The following ODAD2 variants were observed in gnomAD, a reference collection of about 807,000 sequenced individuals.
ODAD2 encodes outer dynein arm-docking complex subunit 2.
A neutral mutation model predicts 106.8 loss-of-function variants in ODAD2; 89 were observed. The observed-to-expected ratio is 0.83, with a 90% CI of 0.70 to 0.99. ODAD2 has a LOEUF of 0.99. Among genes scored for constraint, ODAD2 ranks in the 50% least tolerant of loss-of-function variants. The pLI is 0.00. For missense variants in ODAD2, 1,168 were observed against 1,238.5 expected, an observed-to-expected ratio of 0.94 and a Z score of 0.85; for synonymous variants, 404 against 436.2, an observed-to-expected ratio of 0.93 and a Z score of 0.92.
intron 19 of ODAD2, among the ~76,000 whole-genome samples, chr10:27,857,027 G>A (rs1469905979): frequency 1.3e-5 from 2 of 152,082 alleles, no homozygotes; most frequent in Non-Finnish European, 2.9e-5. Context: ...TTGATTATAT[G>A]TTGAAATAAC....
chr10:27,861,789 A>G (rs1350192556), intron 18 of ODAD2, among the ~76,000 whole-genome samples: 2 of 152,184 alleles, frequency 1.3e-5, no homozygotes, highest in Admixed American at 1.3e-4. Flanking sequence ...TGCTCTCTTG[A>G]TTCAGGCAAC....
chr10:27,872,054 CT>C (rs1466203103), intron 17 of ODAD2, among the ~76,000 whole-genome samples: 2 of 152,142 alleles, frequency 1.3e-5, no homozygotes, highest in Non-Finnish European at 2.9e-5. Context: ...TGCAGTTCTC[CT>C]TGAAGAGTAC....
chr10:27,931,041 A>G (rs1410278573), intron 16 of ODAD2, among the ~76,000 whole-genome samples: 1 of 152,174 alleles, frequency 6.6e-6, no homozygotes, highest in Non-Finnish European at 1.5e-5. Flanking sequence ...GATGCCTCAT[A>G]ATGCAAAACT....
At chr10:27,987,879 AT>A (rs879944104) in intron 2 of ODAD2, among the ~76,000 whole-genome samples, 10 of 151,782 alleles carry the variant, frequency 6.6e-5, no homozygotes, top group South Asian at 4.2e-4. Context: ...CTTTTTAAAA[AT>A]CATTGGTTCT....
chr10:27,964,327 G>A (rs931014718), intron 9 of ODAD2, among the ~76,000 whole-genome samples: 2 of 152,196 alleles, frequency 1.3e-5, no homozygotes, highest in Non-Finnish European at 2.9e-5. Flanking sequence ...TAGATGAGCT[G>A]GGGTAGTCTT....
chr10:27,989,152 T>A (rs1233011708), intron 2 of ODAD2, among the ~76,000 whole-genome samples: 1 of 152,182 alleles, frequency 6.6e-6, no homozygotes, highest in Non-Finnish European at 1.5e-5. Flanking sequence ...CATTTTAGAC[T>A]TCTGACCTCT....
intron 17 of ODAD2, among the ~76,000 whole-genome samples, chr10:27,895,040 C>CAA (rs1842776465): frequency 5.1e-5 from 2 of 39,068 alleles, no homozygotes; most frequent in African/African-American, 7.8e-5. Flanking sequence ...GTCATCGGTA[C>CAA]GAAAAAAAAA....
At position 27,989,660 on chromosome 10, in the gene ODAD2, G is replaced by A. The variant is rs192489379; in HGVS notation, c.225-2117C>T. Among the ~76,000 whole-genome samples the A allele has an allele frequency of 3.0e-3, 458 of 152,276 alleles. 7 individuals carry two copies. Among genetic ancestry groups the A allele is most frequent in the Non-Finnish European group, 2.7e-3 (182 of 68,026 alleles). On this transcript the variant is annotated intron_variant, in intron 2 of 19. Transcript: ENST00000305242. ...TCATTGCTCCTACCAGTTGAAGCCT[G>A]TAACTTAACAGAGAAGTCAGAAATA...
chr10:27,845,909 C>G (rs1268134860), intron 19 of ODAD2, among the ~76,000 whole-genome samples: 1 of 152,100 alleles, frequency 6.6e-6, no homozygotes, highest in Non-Finnish European at 1.5e-5. Flanking sequence ...ACAGGAGCAC[C>G]CAGATTCATA....
intron 17 of ODAD2, among the ~76,000 whole-genome samples, chr10:27,896,670 A>G (rs1331948243): frequency 6.6e-6 from 1 of 152,154 alleles, no homozygotes; most frequent in Non-Finnish European, 1.5e-5. Context: ...CAATGTGTTT[A>G]TAGGATTAAG....
chr10:27,872,696 G>C (rs937355249), intron 17 of ODAD2, among the ~76,000 whole-genome samples: 4 of 151,992 alleles, frequency 2.6e-5, no homozygotes, highest in Non-Finnish European at 5.9e-5. Flanking sequence ...TTGCATTCCA[G>C]GGATGAAGCC....
chr10:27,887,700 G>T (rs749153819), intron 17 of ODAD2, among the ~76,000 whole-genome samples: 1 of 151,904 alleles, frequency 6.6e-6, no homozygotes, highest in Non-Finnish European at 1.5e-5. Context: ...CAAATATGTG[G>T]AAATTAAACA....
At chr10:27,913,036 G>A (rs908864026) in intron 16 of ODAD2, among the ~76,000 whole-genome samples, 5 of 152,150 alleles carry the variant, frequency 3.3e-5, no homozygotes, top group Non-Finnish European at 7.3e-5. Context: ...CAGGAGGATA[G>A]CCTATGCTTT....
chr10:27,869,591 T>C (rs1840707642), intron 17 of ODAD2, among the ~76,000 whole-genome samples: 2 of 151,598 alleles, frequency 1.3e-5, no homozygotes, highest in South Asian at 4.2e-4. Flanking sequence ...CTGGAGTGAA[T>C]TGGCACGATC....
intron 7 of ODAD2, among the ~76,000 whole-genome samples, chr10:27,973,794 T>C (rs1337666241): frequency 6.6e-6 from 1 of 152,210 alleles, no homozygotes; most frequent in Non-Finnish European, 1.5e-5. Flanking sequence ...TCTGGGTATA[T>C]ACCCAGTAAT....
In ODAD2 at chr10:27,833,688, T is replaced by C. The variant is rs183822042; in HGVS notation, c.3022-21063A>G. On this transcript the variant is annotated intron_variant, in intron 19 of 19. Transcript: ENST00000305242. The stretch of plus-strand genomic sequence containing the variant: ...CATTCAACAAATATCTGCTATGTTC[T>C]GCTCTGTGGCAGGCACTGAACTAGT... 3.8e-4 allele frequency among the ~76,000 whole-genome samples: 58 copies of C among 152,348 alleles called. No homozygotes were observed. The East Asian group carries it at 6.7e-3, about 18-fold the overall frequency.
At chr10:27,815,147 T>C (rs1194231824) in intron 19 of ODAD2, among the ~76,000 whole-genome samples, 1 of 152,216 alleles carries the variant, frequency 6.6e-6, no homozygotes, top group East Asian at 1.9e-4. Flanking sequence ...CTTTTTATCC[T>C]ACCTTCCAGT....
At chr10:27,943,033 G>T (rs1185731067) in intron 12 of ODAD2, among the ~76,000 whole-genome samples, 1 of 152,166 alleles carries the variant, frequency 6.6e-6, no homozygotes, top group East Asian at 1.9e-4. Context: ...TGGGCTAAGT[G>T]CTGTGAAAGA....
At chr10:27,937,197 A>G (rs1189229045) in intron 14 of ODAD2, among the ~76,000 whole-genome samples, 2 of 152,184 alleles carry the variant, frequency 1.3e-5, no homozygotes, top group Non-Finnish European at 1.5e-5. Context: ...CAAGGAATGG[A>G]GGATTTCTGC....
Sources: allele counts gnomAD v4.1 joint callset (sites outside exome capture counted in the v4.1 genomes callset), GRCh38; gene constraint gnomAD v4.1.1; transcripts MANE v1.5; gene names NCBI Gene and HGNC (gene_info 2026-07-23, HGNC 2026-07-21).